Variants in PPFIBP1 observed in about 807,000 individuals in gnomAD.
The protein encoded by PPFIBP1 is liprin-beta-1.
Under a neutral mutation model 137.8 loss-of-function variants are expected in PPFIBP1, and 112 were observed. The observed-to-expected ratio is 0.81, with a 90% CI of 0.70 to 0.95. The LOEUF is 0.95. Ranked by LOEUF, PPFIBP1 falls within the 40% of genes least tolerant of loss-of-function variation. The pLI, the probability that PPFIBP1 is intolerant of heterozygous loss-of-function variation, is 0.00. For missense variants in PPFIBP1, 1,083 were observed against 1,196.6 expected (o/e 0.91, Z 1.40); for synonymous variants, 378 against 417.3 (o/e 0.91, Z 1.15).
chr12:27,638,994 G>A (rs900199563), intron 4 of PPFIBP1, among the ~76,000 whole-genome samples: 12 of 152,116 alleles, frequency 7.9e-5, no homozygotes, highest in Non-Finnish European at 1.2e-4. Flanking sequence ...CTGGGCCAGG[G>A]AGATCCCCTG....
chr12:27,678,448 G>C (rs1177409923), intron 19 of PPFIBP1, among the ~76,000 whole-genome samples: 1 of 152,156 alleles, frequency 6.6e-6, no homozygotes, highest in Non-Finnish European at 1.5e-5. Context: ...GCTTGAACTG[G>C]GTAACTGATT....
chr12:27,678,856 C>CA (rs60834907), intron 19 of PPFIBP1, among the ~76,000 whole-genome samples: 12,852 of 97,900 alleles, frequency 0.13, 1,387 homozygotes, highest in Non-Finnish European at 0.17. Flanking sequence ...GACTCTGTCT[C>CA]AAAAAAAAAA....
intron 1 of PPFIBP1, chr12:27,547,313 C>T (rs1053059305): frequency 7.9e-5 from 12 of 152,138 alleles, no homozygotes; most frequent in Admixed American, 6.5e-4. Context: ...TGCATTAACT[C>T]CTGTCCCTGT....
At chr12:27,533,729 TC>T (rs1944652626) in intron 1 of PPFIBP1, among the ~76,000 whole-genome samples, 1 of 152,084 alleles carries the variant, frequency 6.6e-6, no homozygotes. Flanking sequence ...ATGGTTGAGC[TC>T]CCCGAACAAG....
chr12:27,677,368 A>G, intron 19 of PPFIBP1: 1 of 525,480 alleles, frequency 1.9e-6, no homozygotes, highest in Non-Finnish European at 3.4e-6. Context: ...CTCAGAGTGC[A>G]GGGCAGGAAT....
At chr12:27,582,394 T>A (rs1309411083) in intron 2 of PPFIBP1, among the ~76,000 whole-genome samples, 1 of 152,186 alleles carries the variant, frequency 6.6e-6, no homozygotes, top group Non-Finnish European at 1.5e-5. Context: ...TTTTTACACC[T>A]ATTTAGTGGA....
chr12:27,597,389 C>T (rs992060001), intron 2 of PPFIBP1, among the ~76,000 whole-genome samples: 11 of 152,296 alleles, frequency 7.2e-5, no homozygotes, highest in East Asian at 5.8e-4. Context: ...CCCCTGACCT[C>T]GTGATCCACC....
intron 2 of PPFIBP1, chr12:27,599,472 A>G (rs1156476248): frequency 4.4e-6 from 2 of 455,846 alleles, no homozygotes; most frequent in Middle Eastern, 6.5e-4. Flanking sequence ...CTCAGCCTAC[A>G]TAAATGCGTG....
chr12:27,667,679 T>C (rs573338152), intron 13 of PPFIBP1, among the ~76,000 whole-genome samples: 27 of 152,372 alleles, frequency 1.8e-4, no homozygotes, highest in Admixed American at 1.8e-3. Flanking sequence ...CTCTGCACTT[T>C]AGCAGGGTTC....
In PPFIBP1 at chr12:27,692,942, C is replaced by A. The variant is rs1249539981; in HGVS notation, c.*60C>A. The A allele has an allele frequency of 6.2e-7, 1 of 1,601,398 alleles. No individual in the cohort carries two copies. The highest frequency in any genetic ancestry group is 8.5e-7 in the Non-Finnish European group (1 of 1,174,324). ...TCTTTTTTCTACTTGCTTTTCCAAA[C>A]ACTCACAGTATATACAACAGGCAGC... On this transcript the variant is annotated 3_prime_UTR_variant, in exon 30 of 30. Coordinates refer to ENST00000228425, the MANE Select transcript of PPFIBP1 (RefSeq NM_003622.4).
At position 27,689,039 on chromosome 12, in the gene PPFIBP1, G is replaced by C; in HGVS notation, c.2521G>C (p.Glu841Gln). Reference protein sequence around the residue: ...LMVLEPRFNVETMAQLLNIPP... With the variant: ...LMVLEPRFNVQTMAQLLNIPP... ...GGTTCTAGAGCCTCGTTTTAACGTA[G>C]AAACAATGGCTCAGTTATTGAACAT... Residue 841 changes from glutamate (E) to glutamine (Q), a missense_variant, in exon 27 of 30, where the codon GAA (glutamate) becomes CAA (glutamine). By Grantham distance (29) the Glu-to-Gln change is conservative. Coordinates refer to ENST00000228425, the MANE Select transcript of PPFIBP1 (RefSeq NM_003622.4). 1 of 1,612,690 alleles carries C rather than the reference G, an allele frequency of 6.2e-7. No homozygotes were observed. Among genetic ancestry groups the C allele is most frequent in the Middle Eastern group, 1.7e-4 (1 of 6,060 alleles).
At chr12:27,655,756 C>T (rs1392681638) in intron 8 of PPFIBP1, among the ~76,000 whole-genome samples, 1 of 152,198 alleles carries the variant, frequency 6.6e-6, no homozygotes, top group Admixed American at 6.5e-5. Context: ...AAGTGCCTCA[C>T]TTCATTGGAG....
chr12:27,550,999 T>A (rs1378334639), intron 1 of PPFIBP1, among the ~76,000 whole-genome samples: 4 of 129,192 alleles, frequency 3.1e-5, no homozygotes, highest in Non-Finnish European at 6.5e-5. Flanking sequence ...ATATTTTTTT[T>A]TTTTTAACAA....
intron 2 of PPFIBP1, among the ~76,000 whole-genome samples, chr12:27,609,968 A>T (rs574642297): frequency 1.3e-5 from 2 of 152,298 alleles, no homozygotes; most frequent in East Asian, 3.9e-4. Flanking sequence ...GGGGGAAAGA[A>T]CCACTACTTG....
chr12:27,681,486 A>G lies in PPFIBP1; in HGVS notation c.1896-60A>G. The G allele has an allele frequency of 3.2e-6, 5 of 1,558,778 alleles. No homozygotes were observed. The South Asian group carries it at 5.7e-5, about 18-fold the overall frequency. ...TTGAATGTATAGTTGTTTAAAACTA[A>G]TGATAAGCCACAGGATTGGCTTTGG... On this transcript the variant is annotated intron_variant, in intron 21 of 29. Coordinates refer to ENST00000228425, the MANE Select transcript of PPFIBP1 (RefSeq NM_003622.4).
At chr12:27,537,582 G>A (rs554769090) in intron 1 of PPFIBP1, among the ~76,000 whole-genome samples, 2 of 152,250 alleles carry the variant, frequency 1.3e-5, no homozygotes, top group African/African-American at 4.8e-5. Flanking sequence ...GGTGGAGACT[G>A]CATGGAGACA....
At chr12:27,643,130 G>A (rs1593071885) in intron 4 of PPFIBP1, among the ~76,000 whole-genome samples, 1 of 148,132 alleles carries the variant, frequency 6.8e-6, no homozygotes, top group South Asian at 2.2e-4. Context: ...GAGTACAGGA[G>A]GAAAAAGGAG....
intron 1 of PPFIBP1, among the ~76,000 whole-genome samples, chr12:27,536,221 TG>T (rs1160220138): frequency 2.6e-5 from 4 of 152,166 alleles, no homozygotes; most frequent in African/African-American, 9.7e-5. Context: ...CATGGTGCAT[TG>T]GGAAAACTGT....
intron 19 of PPFIBP1, among the ~76,000 whole-genome samples, chr12:27,678,898 AGACTCTCGGG>A (rs2060713488): frequency 6.7e-6 from 1 of 149,338 alleles, no homozygotes; most frequent in African/African-American, 2.5e-5. Flanking sequence ...AGAGAGAAAA[AGACTCTCGGG>A]GAAATTGGAT....
Sources: gnomAD v4.1 joint callset for allele counts (sites outside exome capture counted in the v4.1 genomes callset) on GRCh38, gnomAD v4.1.1 for gene constraint, MANE v1.5 for transcripts, NCBI Gene and HGNC (gene_info 2026-07-23, HGNC 2026-07-21) for gene names.